TASP1: variants seen among roughly 807,000 people sequenced by gnomAD.
TASP1 encodes taspase 1.
TASP1 carries 16 observed loss-of-function variants against 56.6 expected under a neutral mutation model. That is an observed-to-expected ratio of 0.28 (90% CI 0.19 to 0.43). The LOEUF (loss-of-function observed/expected upper bound fraction) is 0.43. Ranked by LOEUF, TASP1 falls within the 20% of genes least tolerant of loss-of-function variation. The pLI is 1.00. For synonymous variants in TASP1, 179 were observed against 184.2 expected (o/e 0.97, Z 0.23); for missense variants, 393 against 511.6 (o/e 0.77, Z 2.24).
intron 5 of TASP1, among the ~76,000 whole-genome samples, chr20:13,584,498 C>G (rs2047233746): frequency 6.7e-6 from 1 of 150,310 alleles, no homozygotes; most frequent in Non-Finnish European, 1.5e-5. Context: ...ACCAATAAAA[C>G]TGCATAATAA....
chr20:13,112,933 A>G, the TASP1 span, among the ~76,000 whole-genome samples: 76 of 152,166 alleles, frequency 5.0e-4, no homozygotes, highest in Non-Finnish European at 7.2e-4. Context: ...CTGTAATCCT[A>G]TCACTTCGGG....
the TASP1 span, among the ~76,000 whole-genome samples, chr20:13,273,675 A>G: frequency 6.6e-6 from 1 of 152,230 alleles, no homozygotes; most frequent in Non-Finnish European, 1.5e-5. Flanking sequence ...ATAAAGGTTT[A>G]CCATAGCTCC....
chr20:13,363,051 C>T, the TASP1 span, among the ~76,000 whole-genome samples: 6 of 151,924 alleles, frequency 3.9e-5, no homozygotes, highest in Non-Finnish European at 8.8e-5. Context: ...TAACATACTG[C>T]TCTTTAGATT....
the TASP1 span, among the ~76,000 whole-genome samples, chr20:13,356,697 T>A: frequency 2.0e-5 from 3 of 152,200 alleles, no homozygotes; most frequent in Admixed American, 6.5e-5. Flanking sequence ...TATTAAATCA[T>A]GAACTTTGCC....
chr20:13,362,354 T>C, the TASP1 span, among the ~76,000 whole-genome samples: 141 of 151,988 alleles, frequency 9.3e-4, 1 homozygote, highest in Middle Eastern at 3.4e-3. Flanking sequence ...CCCTGCCCCA[T>C]CTTAACTGAT....
chr20:13,113,006 A>G, the TASP1 span, among the ~76,000 whole-genome samples: 1 of 152,218 alleles, frequency 6.6e-6, no homozygotes. Flanking sequence ...AACAGGGTGA[A>G]ACCCCACCTC....
intron 10 of TASP1, among the ~76,000 whole-genome samples, chr20:13,520,722 T>C (rs185959321): frequency 6.6e-6 from 1 of 152,140 alleles, no homozygotes; most frequent in Non-Finnish European, 1.5e-5. Flanking sequence ...GGCAAGGACT[T>C]CATGTCTAAA....
At chr20:13,234,057 T>G in the TASP1 span, among the ~76,000 whole-genome samples, 1 of 152,166 alleles carries the variant, frequency 6.6e-6, no homozygotes, top group Non-Finnish European at 1.5e-5. Context: ...GCTTTTAGTG[T>G]ACTCATCACC....
chr20:13,397,457 G>A (rs2041585236), intron 13 of TASP1, among the ~76,000 whole-genome samples: 2 of 152,124 alleles, frequency 1.3e-5, no homozygotes, highest in South Asian at 2.1e-4. Context: ...AATGTGGTTT[G>A]CTTATGGTCA....
intron 10 of TASP1, among the ~76,000 whole-genome samples, chr20:13,514,967 T>C (rs373073034): frequency 6.6e-6 from 1 of 152,178 alleles, no homozygotes; most frequent in Admixed American, 6.6e-5. Flanking sequence ...TTTTTCTCCA[T>C]GATTCATCAA....
At chr20:13,308,626 T>C in the TASP1 span, among the ~76,000 whole-genome samples, 1 of 152,286 alleles carries the variant, frequency 6.6e-6, no homozygotes, top group Admixed American at 6.5e-5. Flanking sequence ...TAATAGAGAA[T>C]ACAATCCAGC....
chr20:13,487,538 T>A (rs1253110327), intron 10 of TASP1, among the ~76,000 whole-genome samples: 1 of 152,036 alleles, frequency 6.6e-6, no homozygotes, highest in Non-Finnish European at 1.5e-5. Context: ...TAACCCTTAC[T>A]CCAGCCCCAG....
chr20:13,550,314 T>A (rs1435218438), intron 8 of TASP1, among the ~76,000 whole-genome samples: 1 of 152,050 alleles, frequency 6.6e-6, no homozygotes, highest in Non-Finnish European at 1.5e-5. Flanking sequence ...ATGCCAATCA[T>A]CAGGCTTTAT....
chr20:13,278,138 A>G, the TASP1 span, among the ~76,000 whole-genome samples: 26 of 152,162 alleles, frequency 1.7e-4, no homozygotes, highest in Non-Finnish European at 2.4e-4. Context: ...GTGTTGCAAG[A>G]GCTATGCGAT....
chr20:13,535,586 G>C (rs2045387161), intron 8 of TASP1, among the ~76,000 whole-genome samples: 1 of 152,184 alleles, frequency 6.6e-6, no homozygotes, highest in Non-Finnish European at 1.5e-5. Context: ...GAATGACATA[G>C]TTCTGCTCAA....
chr20:13,590,683 T>C (rs576690128), intron 4 of TASP1, among the ~76,000 whole-genome samples: 6 of 151,950 alleles, frequency 3.9e-5, no homozygotes, highest in South Asian at 4.2e-4. Flanking sequence ...CTGGCCAACA[T>C]GGTGAAACCC....
chr20:13,560,177 C>G (rs565409821), intron 7 of TASP1, among the ~76,000 whole-genome samples: 1 of 152,260 alleles, frequency 6.6e-6, no homozygotes, highest in African/African-American at 2.4e-5. Flanking sequence ...TGGAACATAA[C>G]ACTGACAAAG....
At chr20:13,504,897 C>A (rs991186625) in intron 10 of TASP1, among the ~76,000 whole-genome samples, 1 of 152,036 alleles carries the variant, frequency 6.6e-6, no homozygotes, top group Admixed American at 6.6e-5. Flanking sequence ...AACAAAGGGT[C>A]TACAAAACAC....
At chr20:13,387,954 T>A (rs2041176752), downstream of TASP1, among the ~76,000 whole-genome samples, 1 of 152,250 alleles carries the variant, frequency 6.6e-6, no homozygotes, top group Non-Finnish European at 1.5e-5. Context: ...CAAAATCACA[T>A]GCTCTTGTCT....
Sources: allele counts gnomAD v4.1 joint callset (sites outside exome capture counted in the v4.1 genomes callset), GRCh38; gene constraint gnomAD v4.1.1; transcripts MANE v1.5; gene names NCBI Gene and HGNC (gene_info 2026-07-23, HGNC 2026-07-21).